The following MTA3 variants were observed in gnomAD, a reference collection of about 807,000 sequenced individuals.
MTA3 encodes the protein metastasis associated 1 family member 3, also known as metastasis-associated protein MTA3.
Under a neutral mutation model 83.5 loss-of-function variants are expected in MTA3, and 34 were observed. The observed-to-expected ratio is 0.41, with a 90% CI of 0.31 to 0.54. MTA3 has a LOEUF of 0.54. MTA3 is among the 20% of genes least tolerant of loss of function. The pLI is 0.33. For missense variants in MTA3, 761 were observed against 726.4 expected, an observed-to-expected ratio of 1.05 and a Z score of -0.55; for synonymous variants, 303 against 252.7, an observed-to-expected ratio of 1.20 and a Z score of -1.89.
At chr2:42,699,697 A>G (rs974805975) in intron 11 of MTA3, among the ~76,000 whole-genome samples, 2 of 152,046 alleles carry the variant, frequency 1.3e-5, no homozygotes, top group African/African-American at 2.4e-5. Flanking sequence ...TTGTCATGCT[A>G]TTTGTTAAGC....
chr2:42,580,064 C>T (rs1679448769), intron 3 of MTA3, among the ~76,000 whole-genome samples: 1 of 152,132 alleles, frequency 6.6e-6, no homozygotes, highest in Admixed American at 6.6e-5. Flanking sequence ...CCACCTCAGC[C>T]TCCAGAGTAG....
At chr2:42,536,108 A>ACT (rs1225544769) in intron 2 of MTA3, among the ~76,000 whole-genome samples, 1 of 120,356 alleles carries the variant, frequency 8.3e-6, no homozygotes, top group Non-Finnish European at 1.8e-5. Context: ...CAACAGTGAG[A>ACT]CTCTCTCTCT....
chr2:42,687,310 A>T (rs1172351470), intron 9 of MTA3, among the ~76,000 whole-genome samples: 1 of 152,186 alleles, frequency 6.6e-6, no homozygotes, highest in East Asian at 1.9e-4. Flanking sequence ...GTTTAGTAGT[A>T]TGTAACTTTT....
intron 2 of MTA3, among the ~76,000 whole-genome samples, chr2:42,576,894 C>CAACA (rs1444719039): frequency 6.6e-6 from 1 of 151,054 alleles, no homozygotes; most frequent in Non-Finnish European, 1.5e-5. Context: ...AACTCCATCT[C>CAACA]AACAAACAAA....
intron 4 of MTA3, among the ~76,000 whole-genome samples, chr2:42,631,882 G>T (rs1466795963): frequency 1.3e-5 from 2 of 151,956 alleles, no homozygotes; most frequent in Non-Finnish European, 2.9e-5. Flanking sequence ...TAGCGATGGG[G>T]TAGCACCATG....
At chr2:42,549,737 A>G (rs1362677503) in intron 2 of MTA3, among the ~76,000 whole-genome samples, 1 of 137,406 alleles carries the variant, frequency 7.3e-6, no homozygotes, top group African/African-American at 2.7e-5. Flanking sequence ...TTATATATGT[A>G]TATAATGGAA....
At chr2:42,675,239 G>A (rs1691233224) in intron 8 of MTA3, among the ~76,000 whole-genome samples, 2 of 151,804 alleles carry the variant, frequency 1.3e-5, no homozygotes, top group Admixed American at 6.6e-5. Context: ...GAGTTCAAGC[G>A]ATTCTCCTAC....
At chr2:42,567,275 A>T (rs1015886259), upstream of MTA3, among the ~76,000 whole-genome samples, 7 of 152,214 alleles carry the variant, frequency 4.6e-5, no homozygotes, top group African/African-American at 1.7e-4. Flanking sequence ...CATTTTATAG[A>T]CGAGGAAACA....
intron 2 of MTA3, among the ~76,000 whole-genome samples, chr2:42,533,748 C>A (rs1489691021): frequency 6.7e-6 from 1 of 149,258 alleles, no homozygotes; most frequent in Admixed American, 6.7e-5. Context: ...AGGAGAATCG[C>A]TTGAACCCAA....
At chr2:42,720,184 A>AT (rs1434173421) in intron 15 of MTA3, among the ~76,000 whole-genome samples, 1,792 of 80,274 alleles carry the variant, frequency 0.022, 36 homozygotes, top group African/African-American at 0.093. Context: ...TATTTATTTT[A>AT]TTTATTTATT....
At chr2:42,624,559 G>T (rs910969949) in intron 4 of MTA3, among the ~76,000 whole-genome samples, 1 of 152,060 alleles carries the variant, frequency 6.6e-6, no homozygotes, top group Non-Finnish European at 1.5e-5. Flanking sequence ...AACTGCTGAC[G>T]TTGTGATCCA....
intron 3 of MTA3, among the ~76,000 whole-genome samples, chr2:42,602,164 A>T (rs1443192831): frequency 1.3e-5 from 2 of 151,844 alleles, no homozygotes; most frequent in Non-Finnish European, 2.9e-5. Context: ...TTTTGTAGAG[A>T]TGGGGTTTCA....
At chr2:42,747,924 C>A (rs1034595470) in intron 16 of MTA3, among the ~76,000 whole-genome samples, 1 of 152,038 alleles carries the variant, frequency 6.6e-6, no homozygotes, top group Non-Finnish European at 1.5e-5. Flanking sequence ...TTTTCTTGCA[C>A]CCCATTATAA....
intron 6 of MTA3, 87 bp from the exon 7 acceptor site, chr2:42,656,113 C>G: frequency 9.9e-7 from 1 of 1,005,772 alleles, no homozygotes; most frequent in Non-Finnish European, 1.5e-6. Context: ...ATAAACATTT[C>G]TAATGCTATG....
chr2:42,673,175 A>G (rs919453534), intron 8 of MTA3, among the ~76,000 whole-genome samples: 3 of 151,504 alleles, frequency 2.0e-5, no homozygotes, highest in African/African-American at 7.3e-5. Context: ...AACTTTGTCC[A>G]TATCAGTTTG....
chr2:42,609,054 CAG>C (rs1339670437), intron 3 of MTA3, among the ~76,000 whole-genome samples: 3 of 119,020 alleles, frequency 2.5e-5, no homozygotes, highest in African/African-American at 1.0e-4. Context: ...TTTTTTGAGA[CAG>C]ATTCTTGCTC....
intron 9 of MTA3, among the ~76,000 whole-genome samples, chr2:42,692,917 G>A (rs1049234589): frequency 3.9e-5 from 6 of 152,108 alleles, no homozygotes; most frequent in East Asian, 3.9e-4. Flanking sequence ...GTTTGTGTCC[G>A]TCCTTCTTGA....
chr2:42,668,332 T>C (rs143109166), intron 8 of MTA3, among the ~76,000 whole-genome samples: 10 of 152,312 alleles, frequency 6.6e-5, no homozygotes, highest in African/African-American at 2.4e-4. Context: ...AGGTAATGTT[T>C]GCAAACATTG....
intron 9 of MTA3, among the ~76,000 whole-genome samples, chr2:42,690,507 A>G (rs1324767977): frequency 6.6e-6 from 1 of 151,446 alleles, no homozygotes; most frequent in Non-Finnish European, 1.5e-5. Context: ...TAATTATTCT[A>G]TTTGTAATTC....
Sources: allele counts gnomAD v4.1 joint callset (sites outside exome capture counted in the v4.1 genomes callset), GRCh38; gene constraint gnomAD v4.1.1; transcripts MANE v1.5; gene names NCBI Gene and HGNC (gene_info 2026-07-23, HGNC 2026-07-21).